Variants in ATP11B observed in about 807,000 individuals in gnomAD.
ATP11B encodes the protein phospholipid-transporting ATPase IF.
Under a neutral mutation model 157.8 loss-of-function variants are expected in ATP11B, and 81 were observed. The ratio of observed to expected loss-of-function variants is 0.51; its 90% CI spans 0.43 to 0.62. ATP11B has a LOEUF of 0.62. Among genes scored for constraint, ATP11B ranks in the 20% least tolerant of loss-of-function variants. The pLI is 0.00. For synonymous variants in ATP11B, 451 were observed against 469.4 expected (o/e 0.96, Z 0.51); for missense variants, 1,165 against 1,402.2 (o/e 0.83, Z 2.70).
chr3:182,886,205 G>T (rs1427197448), intron 23 of ATP11B, among the ~76,000 whole-genome samples, 195 bp downstream of exon 23: 1 of 152,064 alleles, frequency 6.6e-6, no homozygotes, highest in Non-Finnish European at 1.5e-5. Flanking sequence ...TTCAGTTTGA[G>T]GTGAGTGTTA....
At chr3:182,848,411 A>G (rs1179025684) in intron 9 of ATP11B, 65 bp from the exon 10 acceptor site, 16 of 966,562 alleles carry the variant, frequency 1.7e-5, no homozygotes, top group Non-Finnish European at 2.3e-5. Context: ...GCTGGTAAAT[A>G]TATTTATTTC....
intron 21 of ATP11B, among the ~76,000 whole-genome samples, chr3:182,881,314 A>C (rs949529797): frequency 6.6e-6 from 1 of 152,202 alleles, no homozygotes. Flanking sequence ...CGTGCCTGTA[A>C]TCCCAGCTAC....
chr3:182,914,567 T>G (rs910554067), intron 29 of ATP11B: 3 of 985,380 alleles, frequency 3.0e-6, no homozygotes, highest in Middle Eastern at 5.2e-4. Context: ...TTTCTTTTGC[T>G]TGGTATTTAT....
chr3:182,911,275 C>CCCCCA (rs1553826104), intron 28 of ATP11B, among the ~76,000 whole-genome samples: 1 of 121,306 alleles, frequency 8.2e-6, no homozygotes, highest in Admixed American at 9.2e-5. Context: ...TGAAATGCCC[C>CCCCCA]CCCCCGCTAA....
intron 29 of ATP11B, chr3:182,915,004 A>G: frequency 2.0e-6 from 2 of 985,398 alleles, no homozygotes; most frequent in Non-Finnish European, 2.4e-6. Context: ...AGGGCTTGGA[A>G]AAGGTTGGAA....
At chr3:182,883,538 G>T (rs1201701100) in intron 21 of ATP11B, among the ~76,000 whole-genome samples, 2 of 151,772 alleles carry the variant, frequency 1.3e-5, no homozygotes, top group South Asian at 2.1e-4. Flanking sequence ...GACTACAGGC[G>T]TGAGCCACCA....
At position 182,886,300 on chromosome 3, in the gene ATP11B, A is replaced by G. The variant is rs570939583; in HGVS notation, c.2715+290A>G. 1.1e-4 allele frequency among the ~76,000 whole-genome samples: 16 copies of G among 152,246 alleles called. No homozygotes were observed. The East Asian group carries it at 2.9e-3, about 28-fold the overall frequency. Reference sequence around the variant, plus strand: ...AGAGAATTTTGATAACTTATTTGTGATATTTCTGTAAAATCCAAATCAAGC... The same window carrying G: ...AGAGAATTTTGATAACTTATTTGTGGTATTTCTGTAAAATCCAAATCAAGC... On this transcript the variant is annotated intron_variant, in intron 23 of 29. Transcript: ENST00000323116.
chr3:182,854,752 TACACAC>T (rs71183649), intron 10 of ATP11B, among the ~76,000 whole-genome samples: 10,719 of 145,712 alleles, frequency 0.074, 538 homozygotes, highest in African/African-American at 0.14. Flanking sequence ...TGCATGTGTT[TACACAC>T]ACACACACAC....
Position 182,845,598 on chromosome 3 carries a change from G to A in ATP11B, c.769+76G>A, listed in dbSNP as rs1456625851. 4 of 903,598 alleles carry A rather than the reference G, an allele frequency of 4.4e-6. No individual in the cohort carries two copies. In the East Asian group the frequency reaches 1.2e-4, roughly 27 times the overall value. 56.0% of individuals were successfully genotyped at this position (903,598 alleles called of 1,614,324 possible). ...TATGAAGTACTTTTAAAAGTACAAT[G>A]TGGTCTTTTGGTTAGATAATTTATT... On this transcript the variant is annotated intron_variant, in intron 9 of 29. Transcript: ENST00000323116.
At position 182,793,799 on chromosome 3, in the gene ATP11B, G is replaced by T; in HGVS notation, c.27+13G>T. 7.2e-7 allele frequency: 1 copy of T among 1,382,688 alleles called. No individual in the cohort carries two copies. Among genetic ancestry groups the T allele is most frequent in the Non-Finnish European group, 9.4e-7 (1 of 1,060,478 alleles). 85.7% of individuals were successfully genotyped at this position (1,382,688 alleles called of 1,614,324 possible). A position where few individuals can be genotyped will look rare whatever the true frequency, so the allele number is the denominator to read the frequency against. ...CCGGCAGCAGCTGGTAGGTGCCCCC[G>T]CCCCTCCACCTCCATTCGTCCGCCC... On this transcript the variant is annotated intron_variant, in intron 1 of 29. Coordinates refer to ENST00000323116, the MANE Select transcript of ATP11B (RefSeq NM_014616.3).
At chr3:182,810,111 C>T (rs1560057081) in intron 1 of ATP11B, among the ~76,000 whole-genome samples, 1 of 152,106 alleles carries the variant, frequency 6.6e-6, no homozygotes. Flanking sequence ...GCGAGCAGAT[C>T]ACTTGAGATC....
At chr3:182,903,756 T>C (rs931485392) in intron 28 of ATP11B, among the ~76,000 whole-genome samples, 6 of 152,208 alleles carry the variant, frequency 3.9e-5, no homozygotes, top group Non-Finnish European at 8.8e-5. Flanking sequence ...TTAAAAACAG[T>C]GGCTTTCTAT....
At chr3:182,869,710 G>A (rs1721507593) in intron 17 of ATP11B, among the ~76,000 whole-genome samples, 1 of 152,182 alleles carries the variant, frequency 6.6e-6, no homozygotes, top group African/African-American at 2.4e-5. Flanking sequence ...TTCCTCAAAA[G>A]GTAAACATTG....
At chr3:182,840,069 C>A (rs1462513687) in intron 7 of ATP11B, among the ~76,000 whole-genome samples, 4 of 152,132 alleles carry the variant, frequency 2.6e-5, no homozygotes, top group Non-Finnish European at 5.9e-5. Context: ...TGTACTAGAA[C>A]CTAACCATTC....
At chr3:182,837,426 T>G (rs1235108500) in intron 7 of ATP11B, among the ~76,000 whole-genome samples, 1 of 152,134 alleles carries the variant, frequency 6.6e-6, no homozygotes, top group Non-Finnish European at 1.5e-5. Context: ...TGCTATGAAC[T>G]AGCATGCTCA....
intron 23 of ATP11B, 50 bp downstream of exon 23, chr3:182,886,060 T>C: frequency 8.1e-7 from 1 of 1,239,210 alleles, no homozygotes; most frequent in Middle Eastern, 2.0e-4. Flanking sequence ...TAGAGTAACG[T>C]ATGTATGTTC....
At chr3:182,834,932 G>C (rs998810096) in intron 4 of ATP11B, among the ~76,000 whole-genome samples, 1 of 152,150 alleles carries the variant, frequency 6.6e-6, no homozygotes, top group African/African-American at 2.4e-5. Flanking sequence ...TATTTTGTGT[G>C]TTATATGTAT....
At chr3:182,827,610 G>A (rs921178737) in intron 2 of ATP11B, among the ~76,000 whole-genome samples, 8 of 151,432 alleles carry the variant, frequency 5.3e-5, no homozygotes, top group Admixed American at 2.6e-4. Flanking sequence ...TTATCGCGGC[G>A]ATCACTTATC....
intron 1 of ATP11B, among the ~76,000 whole-genome samples, chr3:182,796,647 G>A (rs1466021306): frequency 6.6e-6 from 1 of 152,172 alleles, no homozygotes; most frequent in East Asian, 1.9e-4. Flanking sequence ...TAAAGCACTT[G>A]CTGTGTGCTG....
Sources: allele counts gnomAD v4.1 joint callset (sites outside exome capture counted in the v4.1 genomes callset), GRCh38; gene constraint gnomAD v4.1.1; transcripts MANE v1.5; gene names NCBI Gene and HGNC (gene_info 2026-07-23, HGNC 2026-07-21).